ZDHHC13: variants seen among roughly 807,000 people sequenced by gnomAD.
The protein encoded by ZDHHC13 is palmitoyltransferase ZDHHC13.
In ZDHHC13, 85 loss-of-function variants were observed where a neutral mutation model predicts 86.0. The observed-to-expected ratio is 0.99, with a 90% confidence interval of 0.83 to 1.18. The LOEUF (loss-of-function observed/expected upper bound fraction) is 1.18. Ranked by LOEUF, ZDHHC13 falls within the 50% of genes most tolerant of loss-of-function variation. The pLI is 0.00. For missense variants in ZDHHC13, 711 were observed against 730.2 expected, an observed-to-expected ratio of 0.97 and a Z score of 0.30; for synonymous variants, 263 against 246.4, an observed-to-expected ratio of 1.07 and a Z score of -0.63.
chr11:19,152,424 A>G (rs1849637183), intron 7 of ZDHHC13, 104 bp downstream of exon 7: 3 of 1,454,256 alleles, frequency 2.1e-6, no homozygotes, highest in East Asian at 2.5e-5. Flanking sequence ...TTACCCCAAG[A>G]TAGATATAAA....
chr11:19,150,120 T>C (rs1590078228), intron 5 of ZDHHC13, among the ~76,000 whole-genome samples: 1 of 152,162 alleles, frequency 6.6e-6, no homozygotes, highest in African/African-American at 2.4e-5. Context: ...CTGAAACTGT[T>C]TTTCTTTGGC....
At chr11:19,128,867 C>T (rs534160845) in intron 1 of ZDHHC13, among the ~76,000 whole-genome samples, 1 of 152,248 alleles carries the variant, frequency 6.6e-6, no homozygotes, top group East Asian at 1.9e-4. Context: ...CACAATGTTT[C>T]GATCAACGCC....
intron 2 of ZDHHC13, among the ~76,000 whole-genome samples, chr11:19,143,960 G>A (rs142170624): frequency 4.0e-3 from 609 of 152,236 alleles, no homozygotes; most frequent in Non-Finnish European, 6.3e-3. Flanking sequence ...AGCCTGAGGG[G>A]AACTAATGTT....
At chr11:19,161,811 T>C (rs1257924519) in intron 10 of ZDHHC13, among the ~76,000 whole-genome samples, 2 of 152,110 alleles carry the variant, frequency 1.3e-5, no homozygotes, top group African/African-American at 2.4e-5. Context: ...TAGCTTCTGG[T>C]CAAGTGCAAA....
chr11:19,156,860 GT>G (rs372776966), intron 9 of ZDHHC13, among the ~76,000 whole-genome samples: 3 of 152,290 alleles, frequency 2.0e-5, no homozygotes, highest in African/African-American at 7.2e-5. Context: ...AAGCAGATAA[GT>G]TCTTTCTTTT....
chr11:19,138,863 A>G (rs1451920483), intron 1 of ZDHHC13, among the ~76,000 whole-genome samples: 1 of 151,982 alleles, frequency 6.6e-6, no homozygotes, highest in Non-Finnish European at 1.5e-5. Flanking sequence ...AAATTCAACA[A>G]CCCTTCATGC....
chr11:19,128,947 C>G (rs1451837239), intron 1 of ZDHHC13, among the ~76,000 whole-genome samples: 1 of 152,202 alleles, frequency 6.6e-6, no homozygotes, highest in African/African-American at 2.4e-5. Flanking sequence ...ATATGCTATA[C>G]TGCCCAGGTC....
rs1336012223 is a variant in ZDHHC13 at position 19,152,392 on chromosome 11, T to C, written c.747+72T>C. ...GAAGATTGATAAATTAACGTAAAGATAAGCTATATAATTGTTTTCAGTTAC... is the reference window on the plus strand; with the variant it reads ...GAAGATTGATAAATTAACGTAAAGACAAGCTATATAATTGTTTTCAGTTAC... On this transcript the variant is annotated intron_variant, in intron 7 of 16. Coordinates refer to ENST00000446113, the MANE Select transcript of ZDHHC13 (RefSeq NM_019028.3). 3.3e-6 allele frequency: 5 copies of C among 1,530,548 alleles called. No individual in the cohort carries two copies. In the African/African-American group the frequency reaches 5.5e-5, roughly 17 times the overall value. 94.8% of individuals were successfully genotyped at this position (1,530,548 alleles called of 1,614,324 possible). A position where few individuals can be genotyped will look rare whatever the true frequency, so the allele number is the denominator to read the frequency against.
chr11:19,161,076 T>C (rs994128688), intron 10 of ZDHHC13, among the ~76,000 whole-genome samples: 1 of 151,992 alleles, frequency 6.6e-6, no homozygotes, highest in African/African-American at 2.4e-5. Flanking sequence ...ATAATGTTCT[T>C]CAAACTAAAT....
At position 19,144,432 on chromosome 11, in the gene ZDHHC13, A is replaced by AGAGT. The variant is rs377410572; in HGVS notation, c.173+1310_173+1311insAGTG. ...CTGGGAAGGGCATAGAGAGCTATGG[A>AGAGT]GTGTGTGTGTGTGTGTGTGTGTGTG... On this transcript the variant is annotated intron_variant, in intron 2 of 16. Coordinates refer to ENST00000446113, the MANE Select transcript of ZDHHC13 (RefSeq NM_019028.3). Among the ~76,000 whole-genome samples, 792 of 143,168 alleles carry AGAGT rather than the reference A, an allele frequency of 5.5e-3. 7 individuals are homozygous for AGAGT. The highest frequency in any genetic ancestry group is 0.019 in the African/African-American group (749 of 38,988). The allele number at this position is 143,168 out of a possible 152,430, so 93.9% of individuals were successfully genotyped here.
Position 19,176,010 on chromosome 11 carries a change from T to C in ZDHHC13, c.*50T>C. 6.5e-7 allele frequency: 1 copy of C among 1,549,894 alleles called. No individual in the cohort carries two copies. On this transcript the variant is annotated 3_prime_UTR_variant, in exon 17 of 17. Coordinates refer to ENST00000446113, the MANE Select transcript of ZDHHC13 (RefSeq NM_019028.3). ...TCTGATTTGTTTTTGTTTATGTCGA[T>C]GCCCTGTAGTTTGAAAGTGAAGTAA...
chr11:19,130,092 A>C (rs1187034839), intron 1 of ZDHHC13, among the ~76,000 whole-genome samples: 2 of 152,202 alleles, frequency 1.3e-5, no homozygotes, highest in African/African-American at 2.4e-5. Flanking sequence ...CGTCTTAAAA[A>C]AAAAAGAGCT....
At chr11:19,120,205 C>T (rs898048272) in intron 1 of ZDHHC13, among the ~76,000 whole-genome samples, 1 of 152,192 alleles carries the variant, frequency 6.6e-6, no homozygotes, top group East Asian at 1.9e-4. Context: ...TTGTCATGCT[C>T]ATGGACTCTG....
At chr11:19,144,675 T>G (rs777387901) in intron 2 of ZDHHC13, among the ~76,000 whole-genome samples, 8 of 152,068 alleles carry the variant, frequency 5.3e-5, no homozygotes, top group Non-Finnish European at 1.2e-4. Flanking sequence ...AAGGCAGAAA[T>G]TATTCTAATT....
intron 1 of ZDHHC13, among the ~76,000 whole-genome samples, chr11:19,121,860 G>T (rs1421204104): frequency 6.6e-6 from 1 of 152,138 alleles, no homozygotes; most frequent in Admixed American, 6.5e-5. Context: ...GCCAAAAATA[G>T]AGTAGATGAT....
At chr11:19,141,675 C>T (rs114949554) in intron 1 of ZDHHC13, among the ~76,000 whole-genome samples, 9 of 140,368 alleles carry the variant, frequency 6.4e-5, no homozygotes, top group Admixed American at 2.1e-4. Context: ...TTTTTGTGGG[C>T]TTTTTTTTTT....
At chr11:19,145,129 A>G (rs981050949) in intron 2 of ZDHHC13, among the ~76,000 whole-genome samples, 6 of 152,164 alleles carry the variant, frequency 3.9e-5, no homozygotes, top group African/African-American at 1.4e-4. Context: ...AAATATTGCT[A>G]ATAAATGATT....
At chr11:19,165,207 C>T (rs930472813) in intron 13 of ZDHHC13, 62 bp downstream of exon 13, 3 of 1,515,674 alleles carry the variant, frequency 2.0e-6, no homozygotes, top group African/African-American at 1.4e-5. Context: ...TTATGACTCA[C>T]AGAAAAAGTG....
chr11:19,150,831 C>A (rs1268791038), intron 6 of ZDHHC13, 40 bp downstream of exon 6: 1 of 1,560,864 alleles, frequency 6.4e-7, no homozygotes, highest in Admixed American at 1.7e-5. Flanking sequence ...TTCTTGGTTC[C>A]AACTATTTCT....
Sources: gnomAD v4.1 joint callset for allele counts (sites outside exome capture counted in the v4.1 genomes callset) on GRCh38, gnomAD v4.1.1 for gene constraint, MANE v1.5 for transcripts, NCBI Gene and HGNC (gene_info 2026-07-23, HGNC 2026-07-21) for gene names.